Variants in EXT1 observed in about 807,000 individuals in gnomAD.
EXT1 encodes the protein exostosin-1.
A neutral mutation model predicts 82.5 loss-of-function variants in EXT1; 20 were observed. The ratio of observed to expected loss-of-function variants is 0.24; its 90% CI spans 0.17 to 0.35. The LOEUF (loss-of-function observed/expected upper bound fraction) is 0.35, where lower values mean the gene tolerates loss of function less well. Ranked by LOEUF, EXT1 falls within the 10% of genes least tolerant of loss-of-function variation. The pLI, the probability that EXT1 is intolerant of heterozygous loss-of-function variation, is 1.00. For synonymous variants in EXT1, 348 were observed against 350.8 expected (o/e 0.99, Z 0.09); for missense variants, 757 against 936.5 (o/e 0.81, Z 2.50).
chr8:117,812,934 C>T lies in EXT1; in HGVS notation c.1660G>A (p.Asp554Asn), dbSNP rs751582814. ...AGCACGGCGTCTGTGATGATGTTGT[C>T]GTAGGGCAGAAAACGGCTGCTCATA... Reference protein sequence around the residue: ...KVMSSRFLPYDNIITDAVLSL... With the variant: ...KVMSSRFLPYNNIITDAVLSL... Residue 554 changes from aspartate (D) to asparagine (N), a missense_variant, in exon 8 of 11, where the codon GAC becomes AAC. By Grantham distance (23) the Asp-to-Asn change is conservative. This residue lies in a region of EXT1 where 207 missense variants were observed against 224.2 expected (regional missense o/e 0.92). Coordinates refer to ENST00000378204, the MANE Select transcript of EXT1 (RefSeq NM_000127.3). The T allele has an allele frequency of 7.4e-6, 12 of 1,613,632 alleles. No individual in the cohort carries two copies. Among genetic ancestry groups the T allele is most frequent in the South Asian group, 1.1e-5 (1 of 90,992 alleles).
At chr8:117,919,218 C>T (rs1813810608) in intron 1 of EXT1, among the ~76,000 whole-genome samples, 3 of 151,210 alleles carry the variant, frequency 2.0e-5, no homozygotes, top group African/African-American at 4.9e-5. Flanking sequence ...GACAAGGTGT[C>T]ATTTTGTCAC....
chr8:118,045,172 G>A (rs905797111), intron 1 of EXT1, among the ~76,000 whole-genome samples: 4 of 152,068 alleles, frequency 2.6e-5, no homozygotes, highest in Admixed American at 6.5e-5. Flanking sequence ...ATTCTGAGTC[G>A]AGCCCAGCGT....
chr8:117,901,782 G>A (rs565834131), intron 1 of EXT1, among the ~76,000 whole-genome samples: 4 of 151,810 alleles, frequency 2.6e-5, no homozygotes, highest in East Asian at 1.9e-4. Context: ...CTGCAGCCTC[G>A]ACCTCCCAGG....
intron 7 of EXT1, among the ~76,000 whole-genome samples, chr8:117,814,718 A>T (rs1299094840): frequency 6.6e-6 from 1 of 152,194 alleles, no homozygotes; most frequent in Non-Finnish European, 1.5e-5. Context: ...CACACCTGCC[A>T]TCAACTTTGA....
intron 1 of EXT1, among the ~76,000 whole-genome samples, chr8:117,931,899 A>G (rs942944397): frequency 6.6e-6 from 1 of 152,194 alleles, no homozygotes. Flanking sequence ...TCTGTTTGCA[A>G]GTCGAAGCAG....
chr8:117,825,129 C>T (rs1811989481), intron 4 of EXT1, among the ~76,000 whole-genome samples: 1 of 152,166 alleles, frequency 6.6e-6, no homozygotes, highest in Non-Finnish European at 1.5e-5. Flanking sequence ...TCCCCGGCCT[C>T]CCAAAGTGTT....
intron 1 of EXT1, among the ~76,000 whole-genome samples, chr8:117,912,983 G>A (rs976175605): frequency 6.6e-6 from 1 of 152,118 alleles, no homozygotes; most frequent in Non-Finnish European, 1.5e-5. Context: ...CAGCACTTTG[G>A]GAGGCTGAGA....
At chr8:117,954,959 G>C (rs930326303) in intron 1 of EXT1, among the ~76,000 whole-genome samples, 1 of 152,086 alleles carries the variant, frequency 6.6e-6, no homozygotes, top group African/African-American at 2.4e-5. Context: ...CACAAGTCTG[G>C]GTCTCCTATA....
chr8:117,934,564 C>G (rs1318376120), intron 1 of EXT1, among the ~76,000 whole-genome samples: 1 of 152,232 alleles, frequency 6.6e-6, no homozygotes, highest in Admixed American at 6.5e-5. Context: ...CTTTCCCTTC[C>G]TTCTCATCTG....
At chr8:117,881,109 G>A (rs148692733) in intron 1 of EXT1, among the ~76,000 whole-genome samples, 45 of 152,186 alleles carry the variant, frequency 3.0e-4, no homozygotes, top group East Asian at 2.1e-3. Flanking sequence ...GCAAGTTATG[G>A]TCTAGTTCAG....
rs562751386 is a variant in EXT1 at position 118,036,072 on chromosome 8, CTT to C, written c.962+74011_962+74012del. On this transcript the variant is annotated intron_variant, in intron 1 of 10. Transcript: ENST00000378204. The stretch of plus-strand genomic sequence containing the variant: ...TGCCTCCCTTTCTCTGTATCTCAGT[CTT>C]TTTTTTTTTTTTTCATGTATCTGTG... 3.4e-3 allele frequency among the ~76,000 whole-genome samples: 476 copies of C among 140,986 alleles called. 3 individuals carry two copies. The highest frequency in any genetic ancestry group is 9.7e-3 in the African/African-American group (375 of 38,770). The allele number at this position is 140,986 out of a possible 152,430, so 92.5% of individuals were successfully genotyped here.
At chr8:117,845,728 C>T (rs963357951) in intron 1 of EXT1, among the ~76,000 whole-genome samples, 3 of 151,990 alleles carry the variant, frequency 2.0e-5, no homozygotes, top group Non-Finnish European at 4.4e-5. Context: ...ATTGAGATGA[C>T]AGGCATGAGC....
chr8:118,011,971 C>T (rs1815909136), intron 1 of EXT1, among the ~76,000 whole-genome samples: 1 of 152,186 alleles, frequency 6.6e-6, no homozygotes, highest in Non-Finnish European at 1.5e-5. Context: ...ACCACTGGTG[C>T]AAGGAAGGGG....
chr8:117,879,774 C>T (rs1813030834), intron 1 of EXT1, among the ~76,000 whole-genome samples: 1 of 152,152 alleles, frequency 6.6e-6, no homozygotes, highest in Admixed American at 6.5e-5. Context: ...TAGTTCAGAT[C>T]AGTCTCTGGT....
chr8:118,007,984 T>C (rs901618400), intron 1 of EXT1, among the ~76,000 whole-genome samples: 2 of 152,122 alleles, frequency 1.3e-5, no homozygotes, highest in Admixed American at 1.3e-4. Context: ...TTGATACTTG[T>C]TTTAAACCAT....
At chr8:117,992,439 A>G in intron 1 of EXT1, among the ~76,000 whole-genome samples, 1 of 109,998 alleles carries the variant, frequency 9.1e-6, no homozygotes, top group South Asian at 2.9e-4. Flanking sequence ...TCAACTAGCT[A>G]AAAAAAAAAA....
At chr8:117,885,049 A>G (rs1352774220) in intron 1 of EXT1, among the ~76,000 whole-genome samples, 2 of 152,214 alleles carry the variant, frequency 1.3e-5, no homozygotes, top group African/African-American at 4.8e-5. Context: ...AGCTACAAAT[A>G]GGTGTTTATT....
intron 1 of EXT1, among the ~76,000 whole-genome samples, chr8:118,050,138 A>G (rs1816693615): frequency 6.6e-6 from 1 of 152,182 alleles, no homozygotes; most frequent in Admixed American, 6.5e-5. Flanking sequence ...AGAGAGAGAC[A>G]TGGGTTTTTG....
Position 117,818,424 on chromosome 8 carries a change from T to G in EXT1, c.1632+11A>C. The G allele has an allele frequency of 6.2e-7, 1 of 1,613,712 alleles. No individual in the cohort carries two copies. The highest frequency in any genetic ancestry group is 8.5e-7 in the Non-Finnish European group (1 of 1,179,632). Reference sequence around the variant, plus strand: ...CAGTGGTTCCACATATAGGTCCCCTTCGAGTCTTACCTTGCTCTCTCCTTC... The same window carrying G: ...CAGTGGTTCCACATATAGGTCCCCTGCGAGTCTTACCTTGCTCTCTCCTTC... On this transcript the variant is annotated intron_variant, in intron 7 of 10. Coordinates refer to ENST00000378204, the MANE Select transcript of EXT1 (RefSeq NM_000127.3).
Sources: allele counts gnomAD v4.1 joint callset (sites outside exome capture counted in the v4.1 genomes callset), GRCh38; gene constraint gnomAD v4.1.1; regional missense constraint gnomAD v4.1.1; transcripts MANE v1.5; gene names NCBI Gene and HGNC (gene_info 2026-07-23, HGNC 2026-07-21).